Variants in RAP1GDS1 observed in about 807,000 individuals in gnomAD.
The protein encoded by RAP1GDS1 is RAP1, GTP-GDP dissociation stimulator 1.
In RAP1GDS1, 35 loss-of-function variants were observed where a neutral mutation model predicts 71.1. The observed-to-expected ratio is 0.49, with a 90% CI of 0.38 to 0.65. RAP1GDS1 has a LOEUF of 0.65. RAP1GDS1 is among the 30% of genes least tolerant of loss of function. The probability of loss-of-function intolerance (pLI) is 0.00; values close to 1 mark genes in which losing one functional copy is unlikely to be tolerated. For missense variants in RAP1GDS1, 663 were observed against 706.1 expected (o/e 0.94, Z 0.69); for synonymous variants, 229 against 243.1 (o/e 0.94, Z 0.54).
chr4:98,317,561 C>A (rs764640065), intron 2 of RAP1GDS1, among the ~76,000 whole-genome samples: 1 of 152,084 alleles, frequency 6.6e-6, no homozygotes, highest in Non-Finnish European at 1.5e-5. Flanking sequence ...GAACTAAATG[C>A]AGTTTTTGAA....
At chr4:98,397,912 C>T (rs28451188) in intron 6 of RAP1GDS1, among the ~76,000 whole-genome samples, 1 of 152,008 alleles carries the variant, frequency 6.6e-6, no homozygotes, top group Admixed American at 6.6e-5. Flanking sequence ...CATTTGTCTC[C>T]CAGAACGTAG....
At chr4:98,391,318 C>G (rs1452007407) in intron 5 of RAP1GDS1, among the ~76,000 whole-genome samples, 1 of 152,060 alleles carries the variant, frequency 6.6e-6, no homozygotes, top group East Asian at 1.9e-4. Flanking sequence ...TTTCCTCTCT[C>G]TTACTGAGAT....
At chr4:98,375,643 A>G (rs1428738229) in intron 4 of RAP1GDS1, among the ~76,000 whole-genome samples, 1 of 152,186 alleles carries the variant, frequency 6.6e-6, no homozygotes, top group Non-Finnish European at 1.5e-5. Context: ...GACAGTTTTT[A>G]AAAATCACAT....
chr4:98,346,584 G>A (rs1387787618), intron 3 of RAP1GDS1, among the ~76,000 whole-genome samples: 39 of 150,568 alleles, frequency 2.6e-4, no homozygotes, highest in African/African-American at 9.3e-4. Flanking sequence ...AGAGGGAGTC[G>A]CCCAGGCTGG....
At chr4:98,367,893 T>C (rs986639115) in intron 4 of RAP1GDS1, among the ~76,000 whole-genome samples, 4 of 152,180 alleles carry the variant, frequency 2.6e-5, no homozygotes, top group Non-Finnish European at 5.9e-5. Flanking sequence ...TTGTCTCACA[T>C]GAGACTTTGG....
chr4:98,352,886 A>G (rs6858042), intron 4 of RAP1GDS1, among the ~76,000 whole-genome samples: 6,988 of 152,296 alleles, frequency 0.046, 396 homozygotes, highest in African/African-American at 0.13. Context: ...GAAAAAATAC[A>G]TATGTGCATC....
intron 4 of RAP1GDS1, among the ~76,000 whole-genome samples, chr4:98,368,452 ATTTGT>A (rs1186873595): frequency 2.6e-5 from 4 of 152,076 alleles, no homozygotes; most frequent in Admixed American, 6.5e-5. Flanking sequence ...ATGCCAGATT[ATTTGT>A]TTTGAGTTGG....
At chr4:98,262,924 T>A (rs1722236165) in intron 1 of RAP1GDS1, among the ~76,000 whole-genome samples, 1 of 152,250 alleles carries the variant, frequency 6.6e-6, no homozygotes, top group Non-Finnish European at 1.5e-5. Flanking sequence ...GGTCTAGGGC[T>A]CTGAATTTTA....
intron 9 of RAP1GDS1, among the ~76,000 whole-genome samples, chr4:98,418,312 A>G (rs1450603970): frequency 4.6e-5 from 7 of 152,216 alleles, no homozygotes; most frequent in African/African-American, 1.7e-4. Flanking sequence ...AAGGTAGAGT[A>G]CTATCACTGT....
chr4:98,265,771 G>A (rs751050576), intron 1 of RAP1GDS1, among the ~76,000 whole-genome samples: 11 of 152,120 alleles, frequency 7.2e-5, no homozygotes, highest in Non-Finnish European at 1.5e-4. Context: ...ATTGGTATAT[G>A]GTTGGTTTTA....
In RAP1GDS1 at chr4:98,442,280, A is replaced by G; in HGVS notation, c.*163A>G. ...GGTACCTCCCTAATAAGATTTCTAAACCTATAGTTAGTGTGATCATGACTT... is the reference window on the plus strand; with the variant it reads ...GGTACCTCCCTAATAAGATTTCTAAGCCTATAGTTAGTGTGATCATGACTT... On this transcript the variant is annotated 3_prime_UTR_variant, in exon 15 of 15. Coordinates refer to ENST00000408927, the MANE Select transcript of RAP1GDS1 (RefSeq NM_001100427.2). 1 of 951,516 alleles carries G rather than the reference A, an allele frequency of 1.1e-6. No homozygotes were observed. The highest frequency in any genetic ancestry group is 1.5e-6 in the Non-Finnish European group (1 of 680,858). 58.9% of individuals were successfully genotyped at this position (951,516 alleles called of 1,614,324 possible). A position where few individuals can be genotyped will look rare whatever the true frequency, so the allele number is the denominator to read the frequency against.
At chr4:98,319,890 G>T (rs75576917) in intron 2 of RAP1GDS1, among the ~76,000 whole-genome samples, 1 of 151,062 alleles carries the variant, frequency 6.6e-6, no homozygotes, top group African/African-American at 2.4e-5. Flanking sequence ...CTCTCCTTCC[G>T]TCTTCTCCAC....
At chr4:98,349,836 GTTTT>G (rs576301992) in intron 3 of RAP1GDS1, among the ~76,000 whole-genome samples, 1 of 144,694 alleles carries the variant, frequency 6.9e-6, no homozygotes, top group East Asian at 2.0e-4. Context: ...AAACATCCCT[GTTTT>G]TTTTTTTAAT....
intron 4 of RAP1GDS1, among the ~76,000 whole-genome samples, chr4:98,377,170 G>T (rs1037980151): frequency 6.6e-6 from 1 of 151,762 alleles, no homozygotes; most frequent in Non-Finnish European, 1.5e-5. Flanking sequence ...AAGCATACAT[G>T]ATTTATATTT....
chr4:98,383,246 G>A (rs1393898159), intron 5 of RAP1GDS1, among the ~76,000 whole-genome samples: 1 of 151,510 alleles, frequency 6.6e-6, no homozygotes, highest in Non-Finnish European at 1.5e-5. Flanking sequence ...AGTGGTAAAT[G>A]ATAAGCATTA....
intron 1 of RAP1GDS1, among the ~76,000 whole-genome samples, chr4:98,277,036 G>A (rs891369531): frequency 6.6e-6 from 1 of 152,078 alleles, no homozygotes; most frequent in Non-Finnish European, 1.5e-5. Context: ...GGCCTAGAAT[G>A]TTGATCTCTC....
rs1339183341 is a variant in RAP1GDS1 at position 98,443,420 on chromosome 4, C to T, written c.*1303C>T. On this transcript the variant is annotated 3_prime_UTR_variant, in exon 15 of 15. Coordinates refer to ENST00000408927, the MANE Select transcript of RAP1GDS1 (RefSeq NM_001100427.2). ...AATCTTTGTAAATTAATCAAAACCT[C>T]CCTGTGACCCACCTGCCTTCTCCCC... 5 of 230,892 alleles carry T rather than the reference C, an allele frequency of 2.2e-5. No homozygotes were observed. The highest frequency in any genetic ancestry group is 3.4e-5 in the Non-Finnish European group (4 of 116,648). The allele number at this position is 230,892 out of a possible 1,614,324, so 14.3% of individuals were successfully genotyped here.
intron 1 of RAP1GDS1, among the ~76,000 whole-genome samples, chr4:98,281,132 T>C (rs1331826263): frequency 3.3e-5 from 5 of 151,940 alleles, no homozygotes; most frequent in Admixed American, 3.3e-4. Context: ...AGTAGTTTTT[T>C]CCAATTCTGT....
intron 2 of RAP1GDS1, among the ~76,000 whole-genome samples, chr4:98,324,979 C>G (rs1192335977): frequency 6.6e-6 from 1 of 150,844 alleles, no homozygotes; most frequent in African/African-American, 2.4e-5. Context: ...TCAGAGTGAA[C>G]AGGCAACCTA....
Sources: allele counts gnomAD v4.1 joint callset (sites outside exome capture counted in the v4.1 genomes callset), GRCh38; gene constraint gnomAD v4.1.1; transcripts MANE v1.5; gene names NCBI Gene and HGNC (gene_info 2026-07-23, HGNC 2026-07-21).